Variants in SLC25A21 observed in about 807,000 individuals in gnomAD.
SLC25A21 encodes the protein solute carrier family 25 member 21, also known as mitochondrial 2-oxodicarboxylate carrier.
In SLC25A21, 47 loss-of-function variants were observed where a neutral mutation model predicts 43.8. That is an observed-to-expected ratio of 1.07 (90% CI 0.85 to 1.37). SLC25A21 has a LOEUF of 1.37. Among genes scored for constraint, SLC25A21 ranks in the 40% most tolerant of loss-of-function variants. SLC25A21 has a pLI of 0.00. For missense variants in SLC25A21, 352 were observed against 350.2 expected (o/e 1.00, Z -0.04); for synonymous variants, 131 against 121.3 (o/e 1.08, Z -0.52).
chr14:37,125,777 C>T (rs779586273), intron 1 of SLC25A21, among the ~76,000 whole-genome samples: 7 of 152,078 alleles, frequency 4.6e-5, no homozygotes, highest in Non-Finnish European at 8.8e-5. Flanking sequence ...TCTAGCACAG[C>T]GGGAAGAAGT....
intron 1 of SLC25A21, among the ~76,000 whole-genome samples, chr14:37,116,881 A>G (rs1963116470): frequency 1.3e-5 from 2 of 152,122 alleles, no homozygotes; most frequent in Admixed American, 1.3e-4. Flanking sequence ...TTATGAGTTA[A>G]AATATTTCTT....
intron 1 of SLC25A21, among the ~76,000 whole-genome samples, chr14:36,986,193 C>T (rs1409922156): frequency 6.6e-6 from 1 of 152,120 alleles, no homozygotes; most frequent in African/African-American, 2.4e-5. Flanking sequence ...TATCTATAGA[C>T]ATATTTTTAC....
At chr14:37,005,863 C>T (rs185893236) in intron 1 of SLC25A21, among the ~76,000 whole-genome samples, 298 of 152,232 alleles carry the variant, frequency 2.0e-3, no homozygotes, top group African/African-American at 5.0e-3. Context: ...ATCTCTGGAA[C>T]TTTTTCTTTT....
chr14:37,040,932 A>C (rs78328663), intron 1 of SLC25A21, among the ~76,000 whole-genome samples: 1 of 152,042 alleles, frequency 6.6e-6, no homozygotes, highest in Non-Finnish European at 1.5e-5. Context: ...TGATAAATTC[A>C]TTCTAATATT....
At chr14:37,048,793 C>T (rs1961643770) in intron 1 of SLC25A21, among the ~76,000 whole-genome samples, 1 of 152,142 alleles carries the variant, frequency 6.6e-6, no homozygotes, top group Admixed American at 6.5e-5. Flanking sequence ...AGCACTGAAC[C>T]TTTTGCAGAC....
Position 36,693,249 on chromosome 14 carries a change from T to C in SLC25A21, c.604-8324A>G, listed in dbSNP as rs548584824. 5.2e-4 allele frequency among the ~76,000 whole-genome samples: 79 copies of C among 152,322 alleles called. 1 individual carries two copies. The highest frequency in any genetic ancestry group is 1.6e-3 in the African/African-American group (67 of 41,574). On this transcript the variant is annotated intron_variant, in intron 7 of 9. Coordinates refer to ENST00000331299, the MANE Select transcript of SLC25A21 (RefSeq NM_030631.4). ...GCTGAACAAGGCACTGAATGAAAGA[T>C]GGATGAGAGCGTGGTTAGAGGGATT...
In SLC25A21 at chr14:36,837,499, G is replaced by A. The variant is rs118170022; in HGVS notation, c.120-23498C>T. 4.6e-5 allele frequency among the ~76,000 whole-genome samples: 7 copies of A among 152,280 alleles called. No homozygotes were observed. The East Asian group carries it at 1.4e-3, about 30-fold the overall frequency. Reference sequence around the variant, plus strand: ...GAAGGCCAGGGGAGGAGCAACAATTGTGAGGACAAGAGGTTAGGTGATGGG... The same window carrying A: ...GAAGGCCAGGGGAGGAGCAACAATTATGAGGACAAGAGGTTAGGTGATGGG... On this transcript the variant is annotated intron_variant, in intron 2 of 9. Coordinates refer to ENST00000331299, the MANE Select transcript of SLC25A21 (RefSeq NM_030631.4).
At chr14:36,831,906 T>C (rs973407513) in intron 2 of SLC25A21, among the ~76,000 whole-genome samples, 9 of 152,204 alleles carry the variant, frequency 5.9e-5, no homozygotes, top group African/African-American at 2.2e-4. Flanking sequence ...ACAACATTCT[T>C]TTCCTTCGAG....
intron 1 of SLC25A21, among the ~76,000 whole-genome samples, chr14:37,114,174 C>T (rs1027491500): frequency 9.2e-5 from 14 of 152,192 alleles, no homozygotes; most frequent in Non-Finnish European, 1.8e-4. Context: ...AAATGGTCTC[C>T]GGGTTGGGTT....
intron 1 of SLC25A21, among the ~76,000 whole-genome samples, chr14:37,095,462 G>T (rs1962670534): frequency 6.6e-6 from 1 of 152,174 alleles, no homozygotes; most frequent in African/African-American, 2.4e-5. Context: ...AGGTTGCAAT[G>T]AGCCTGGATT....
chr14:37,022,482 CA>C (rs1382025398), intron 1 of SLC25A21, among the ~76,000 whole-genome samples: 25 of 151,980 alleles, frequency 1.6e-4, no homozygotes, highest in African/African-American at 6.0e-4. Context: ...TTGGGGTTAA[CA>C]AACTACCTTT....
chr14:36,839,902 A>G (rs1005470396), intron 2 of SLC25A21, among the ~76,000 whole-genome samples: 2 of 152,258 alleles, frequency 1.3e-5, no homozygotes, highest in African/African-American at 4.8e-5. Context: ...AAACATGGAA[A>G]GAAACAGTAA....
At chr14:36,760,256 C>A (rs1886093152) in intron 3 of SLC25A21, among the ~76,000 whole-genome samples, 1 of 151,806 alleles carries the variant, frequency 6.6e-6, no homozygotes, top group Non-Finnish European at 1.5e-5. Context: ...CAAGGCCAAT[C>A]CAAATTGCAT....
chr14:37,143,465 C>T (rs1467039791), intron 1 of SLC25A21, among the ~76,000 whole-genome samples: 1 of 152,142 alleles, frequency 6.6e-6, no homozygotes, highest in Non-Finnish European at 1.5e-5. Flanking sequence ...AGATAACTAA[C>T]TTTAAAAATA....
At chr14:36,946,853 C>T (rs1594711472) in intron 1 of SLC25A21, among the ~76,000 whole-genome samples, 1 of 152,132 alleles carries the variant, frequency 6.6e-6, no homozygotes, top group African/African-American at 2.4e-5. Flanking sequence ...TACAAACCAA[C>T]CTGTGCTCAG....
rs565385573 is a variant in SLC25A21, at chr14:37,140,545, C to T, written c.70+31736G>A. ...TCACTGAGGTATTGGGAGAATTGAA[C>T]GAGAGCATAAACACAAAAATTTATT... On this transcript the variant is annotated intron_variant, in intron 1 of 9. Coordinates refer to ENST00000331299, the MANE Select transcript of SLC25A21 (RefSeq NM_030631.4). 2.6e-5 allele frequency among the ~76,000 whole-genome samples: 4 copies of T among 152,216 alleles called. No homozygotes were observed. The South Asian group carries it at 6.2e-4, about 24-fold the overall frequency.
chr14:37,086,213 T>A (rs984474560), intron 1 of SLC25A21, among the ~76,000 whole-genome samples: 1 of 152,192 alleles, frequency 6.6e-6, no homozygotes, highest in Non-Finnish European at 1.5e-5. Flanking sequence ...ATTGTATTTT[T>A]AAAACAAAGT....
chr14:36,994,569 A>G (rs912203329), intron 1 of SLC25A21, among the ~76,000 whole-genome samples: 1 of 152,206 alleles, frequency 6.6e-6, no homozygotes, highest in Non-Finnish European at 1.5e-5. Flanking sequence ...ACTCTAAAAA[A>G]GGGACTAAAT....
At chr14:37,158,705 C>T (rs926141033) in intron 1 of SLC25A21, among the ~76,000 whole-genome samples, 2 of 152,064 alleles carry the variant, frequency 1.3e-5, no homozygotes, top group African/African-American at 4.8e-5. Context: ...CAACTCCTAT[C>T]CAACATAGTA....
Sources: gnomAD v4.1 joint callset for allele counts (sites outside exome capture counted in the v4.1 genomes callset) on GRCh38, gnomAD v4.1.1 for gene constraint, MANE v1.5 for transcripts, NCBI Gene and HGNC (gene_info 2026-07-23, HGNC 2026-07-21) for gene names.